The following USH2A variants were observed in gnomAD, a reference collection of about 807,000 sequenced individuals.
USH2A encodes usherin.
In USH2A, 443 loss-of-function variants were observed where a neutral mutation model predicts 538.9. That is an observed-to-expected ratio of 0.82 (90% CI 0.76 to 0.89). USH2A has a LOEUF of 0.89. Ranked by LOEUF, USH2A falls within the 40% of genes least tolerant of loss-of-function variation. The pLI is 0.00. For synonymous variants in USH2A, 2,413 were observed against 2,273.5 expected, an observed-to-expected ratio of 1.06 and a Z score of -1.75; for missense variants, 6,633 against 6,324.8, an observed-to-expected ratio of 1.05 and a Z score of -1.65.
rs200708358 is a variant in USH2A at position 216,207,462 on chromosome 1, C to T, written c.3158-31G>A. The T allele has an allele frequency of 2.5e-6, 4 of 1,613,490 alleles. No homozygotes were observed. In the Admixed American group the frequency reaches 6.7e-5, roughly 27 times the overall value. ...TTACAATGAAGAGAGCATTTATTAG[C>T]AAAGCAATCAATAAACAGAAAAGCA... is the stretch of plus-strand genomic sequence containing the variant. On this transcript the variant is annotated intron_variant, in intron 15 of 71. Transcript: ENST00000307340.
chr1:216,314,938 A>C (rs1048032441), intron 9 of USH2A, among the ~76,000 whole-genome samples: 3 of 152,196 alleles, frequency 2.0e-5, no homozygotes, highest in Admixed American at 2.0e-4. Flanking sequence ...TGCTTGGCTG[A>C]GACACTGATC....
chr1:215,797,248 G>T lies in USH2A; in HGVS notation c.9958+1659C>A, dbSNP rs147870196. Among the ~76,000 whole-genome samples, 948 of 152,202 alleles carry T rather than the reference G, an allele frequency of 6.2e-3. 1 individual carries two copies. The highest frequency in any genetic ancestry group is 0.011 in the Non-Finnish European group (762 of 68,004). ...AAGCTAACAGAAGTTGGTTCATGAG[G>T]TTTAAGAAAAAAAGCCATCTTCATA... On this transcript the variant is annotated intron_variant, in intron 50 of 71. Coordinates refer to ENST00000307340, the MANE Select transcript of USH2A (RefSeq NM_206933.4).
chr1:215,636,135 AGCAGACACAACT>A lies in USH2A; in HGVS notation c.15053-1444_15053-1433del, dbSNP rs1398338531. 2.0e-5 allele frequency among the ~76,000 whole-genome samples: 3 copies of A among 152,290 alleles called. No individual in the cohort carries two copies. In the East Asian group the frequency reaches 5.8e-4, roughly 29 times the overall value. ...TACCCACAGCCAGGTCAGAAGAACA[AGCAGACACAACT>A]GCAAAGCCCACTCACTCACTGGACA... is the stretch of plus-strand genomic sequence containing the variant. On this transcript the variant is annotated intron_variant, in intron 69 of 71. Coordinates refer to ENST00000307340, the MANE Select transcript of USH2A (RefSeq NM_206933.4).
intron 56 of USH2A, among the ~76,000 whole-genome samples, chr1:215,760,639 T>C (rs535301659): frequency 2.2e-4 from 34 of 152,292 alleles, no homozygotes; most frequent in African/African-American, 7.7e-4. Flanking sequence ...CTACAATCTA[T>C]GTACCTCCCA....
Position 216,161,577 on chromosome 1 carries a change from CT to C in USH2A, c.4627+13674del, listed in dbSNP as rs1393561320. ...TTTATGCCTTTTATCATAAATATTACTTTTTATTTACACACCTAGTTACCAT... is the reference window on the plus strand; with the variant it reads ...TTTATGCCTTTTATCATAAATATTACTTTTATTTACACACCTAGTTACCAT... On this transcript the variant is annotated intron_variant, in intron 21 of 71. Transcript: ENST00000307340. 2.0e-5 allele frequency among the ~76,000 whole-genome samples: 3 copies of C among 151,968 alleles called. No homozygotes were observed. The East Asian group carries it at 5.8e-4, about 29-fold the overall frequency.
chr1:215,936,514 G>T (rs1666501415), intron 37 of USH2A, among the ~76,000 whole-genome samples: 1 of 151,982 alleles, frequency 6.6e-6, no homozygotes, highest in Non-Finnish European at 1.5e-5. Flanking sequence ...TGATAATACA[G>T]TATTTACATT....
chr1:216,336,753 T>C (rs981527661), intron 4 of USH2A, among the ~76,000 whole-genome samples: 3 of 151,496 alleles, frequency 2.0e-5, no homozygotes, highest in African/African-American at 7.2e-5. Context: ...ATGCACCTTA[T>C]GTAAAAGTTT....
rs1558146243 is a variant in USH2A, at chr1:215,888,560, C to A, written c.8089G>T (p.Glu2697Ter). The A allele has an allele frequency of 6.2e-7, 1 of 1,614,160 alleles. No individual in the cohort carries two copies. The highest frequency in any genetic ancestry group is 1.3e-5 in the African/African-American group (1 of 75,060). Residue 2697 changes from glutamate to a stop codon, truncating the protein, a stop_gained, in exon 41 of 72, where the codon GAA becomes TAA. Transcript: ENST00000307340. LOFTEE classifies it high-confidence loss of function. ...AGAGTGCTCATCAGTACCCGATATTCATATTTTGTCCATGGGCTAAGAGCA... is the reference window on the plus strand; with the variant it reads ...AGAGTGCTCATCAGTACCCGATATTAATATTTTGTCCATGGGCTAAGAGCA... Reference protein sequence around the residue: ...TSALSPWTKYEYRVLMSTLHG... With the variant: ...TSALSPWTKY
chr1:216,375,201 A>G (rs1048896768), intron 3 of USH2A, among the ~76,000 whole-genome samples: 5 of 152,168 alleles, frequency 3.3e-5, no homozygotes, highest in Admixed American at 2.6e-4. Context: ...CAAGAGACTC[A>G]GTCTTATTTT....
intron 3 of USH2A, among the ~76,000 whole-genome samples, chr1:216,388,153 T>C (rs1454115791): frequency 6.6e-6 from 1 of 152,210 alleles, no homozygotes; most frequent in East Asian, 1.9e-4. Context: ...AGTTTAAGTA[T>C]AACCATTATT....
intron 43 of USH2A, among the ~76,000 whole-genome samples, chr1:215,868,463 T>C (rs1188102684): frequency 6.6e-6 from 1 of 152,240 alleles, no homozygotes; most frequent in Non-Finnish European, 1.5e-5. Flanking sequence ...CCTAAATATG[T>C]GCTTGCATCA....
intron 35 of USH2A, among the ~76,000 whole-genome samples, chr1:215,982,914 G>A (rs1303606553): frequency 1.3e-5 from 2 of 152,066 alleles, no homozygotes; most frequent in South Asian, 2.1e-4. Flanking sequence ...ACGTAATAGG[G>A]CTTATCTGAG....
At chr1:216,287,234 T>C (rs1472099402) in intron 11 of USH2A, among the ~76,000 whole-genome samples, 1 of 152,130 alleles carries the variant, frequency 6.6e-6, no homozygotes, top group East Asian at 1.9e-4. Flanking sequence ...AAATAGCAGC[T>C]GACAAAATTC....
intron 21 of USH2A, among the ~76,000 whole-genome samples, chr1:216,108,347 C>A (rs1015651554): frequency 6.6e-6 from 1 of 151,286 alleles, no homozygotes; most frequent in Non-Finnish European, 1.5e-5. Flanking sequence ...TTGTTTTCTT[C>A]TATGTAGTGC....
At chr1:215,793,869 C>T (rs182519853) in intron 50 of USH2A, among the ~76,000 whole-genome samples, 2 of 152,184 alleles carry the variant, frequency 1.3e-5, no homozygotes, top group Admixed American at 1.3e-4. Flanking sequence ...TTTCCCATGG[C>T]TAATAGAAAA....
At chr1:216,358,478 T>TA (rs2038428554) in intron 4 of USH2A, among the ~76,000 whole-genome samples, 1 of 151,914 alleles carries the variant, frequency 6.6e-6, no homozygotes, top group African/African-American at 2.4e-5. Context: ...ATTTTTTGAT[T>TA]AAAAAAAGGA....
intron 56 of USH2A, among the ~76,000 whole-genome samples, chr1:215,763,561 G>A (rs1661042115): frequency 6.6e-6 from 1 of 152,180 alleles, no homozygotes; most frequent in Admixed American, 6.6e-5. Flanking sequence ...ATGGCATGTG[G>A]GGAAGATGGA....
At position 215,675,200 on chromosome 1, in the gene USH2A, T is replaced by C. The variant is rs1657976025; in HGVS notation, c.12711A>G (p.Glu4237=). 2 of 1,613,950 alleles carry C rather than the reference T, an allele frequency of 1.2e-6. No individual in the cohort carries two copies. Among genetic ancestry groups the C allele is most frequent in the East Asian group, 4.5e-5 (2 of 44,856 alleles). ...DTGLQPWTQC[E]YKIYTWNSAG... is the part of the protein sequence containing the mutation. ...CTGAATTCCAAGTGTAGATTTTATA[T>C]TCACACTGCGTCCATGGTTGCAAAC... The change falls in exon 63 of 72, where the codon GAA becomes GAG. Residue 4237 remains glutamate, a synonymous_variant. Transcript: ENST00000307340.
intron 37 of USH2A, among the ~76,000 whole-genome samples, chr1:215,952,240 T>G (rs960328436): frequency 6.6e-6 from 1 of 152,208 alleles, no homozygotes; most frequent in African/African-American, 2.4e-5. Context: ...TTGGTAGATC[T>G]TCCTCCATCC....
Sources: allele counts gnomAD v4.1 joint callset (sites outside exome capture counted in the v4.1 genomes callset), GRCh38; gene constraint gnomAD v4.1.1; transcripts MANE v1.5; gene names NCBI Gene and HGNC (gene_info 2026-07-23, HGNC 2026-07-21).